The following INHBA variants were observed in gnomAD, a reference collection of about 807,000 sequenced individuals.
INHBA encodes inhibin subunit beta A.
Under a neutral mutation model 29.0 loss-of-function variants are expected in INHBA, and 1 was observed. That is an observed-to-expected ratio of 0.03 (90% CI 0.01 to 0.16). The LOEUF (loss-of-function observed/expected upper bound fraction) is 0.16, where lower values mean the gene tolerates loss of function less well. Among genes scored for constraint, INHBA ranks in the 10% least tolerant of loss-of-function variants. INHBA has a pLI of 1.00. For synonymous variants in INHBA, 242 were observed against 216.8 expected, an observed-to-expected ratio of 1.12 and a Z score of -1.02; for missense variants, 376 against 545.4, an observed-to-expected ratio of 0.69 and a Z score of 3.09.
chr7:41,696,161 C>T (rs950628684), intron 2 of INHBA, among the ~76,000 whole-genome samples: 23 of 152,184 alleles, frequency 1.5e-4, no homozygotes, highest in African/African-American at 5.3e-4. Flanking sequence ...TGTTTGAAGT[C>T]ACTTGTCATT....
chr7:41,699,586 C>T (rs928964156), intron 2 of INHBA, among the ~76,000 whole-genome samples: 2 of 152,102 alleles, frequency 1.3e-5, no homozygotes, highest in Admixed American at 1.3e-4. Context: ...TGGATGGGGT[C>T]CGGAAGCCTC....
At chr7:41,704,442 C>G (rs1794865141), upstream of INHBA, among the ~76,000 whole-genome samples, 1 of 152,098 alleles carries the variant, frequency 6.6e-6, no homozygotes, top group Non-Finnish European at 1.5e-5. Context: ...CCAAACCTGC[C>G]CCTCAGCTTA....
At chr7:41,696,278 T>C (rs571424246) in intron 2 of INHBA, among the ~76,000 whole-genome samples, 18 of 152,306 alleles carry the variant, frequency 1.2e-4, no homozygotes, top group African/African-American at 4.1e-4. Flanking sequence ...GGGAGAGACT[T>C]GTGAGCAAAT....
intron 2 of INHBA, among the ~76,000 whole-genome samples, chr7:41,694,595 G>A (rs1341021364): frequency 2.0e-5 from 3 of 152,186 alleles, no homozygotes; most frequent in Non-Finnish European, 2.9e-5. Flanking sequence ...GATATAGCTG[G>A]TTGCTTTGCG....
upstream of INHBA, chr7:41,703,240 A>G (rs960494194): frequency 2.0e-5 from 3 of 152,210 alleles, no homozygotes; most frequent in African/African-American, 7.2e-5. Context: ...ATAATTCATT[A>G]TCTAATGGAA....
intron 1 of INHBA, among the ~76,000 whole-genome samples, chr7:41,700,935 G>A (rs1794777731): frequency 1.3e-5 from 2 of 150,828 alleles, no homozygotes; most frequent in Non-Finnish European, 3.0e-5. Flanking sequence ...GCTGTGAGTA[G>A]GGCTGTGATT....
At chr7:41,703,740 C>T (rs1482480437), upstream of INHBA, among the ~76,000 whole-genome samples, 1 of 150,424 alleles carries the variant, frequency 6.6e-6, no homozygotes, top group Non-Finnish European at 1.5e-5. Context: ...CTTCCCAGGT[C>T]TTTAGAATCT....
intron 2 of INHBA, among the ~76,000 whole-genome samples, chr7:41,695,436 C>T (rs2237432): frequency 0.75 from 114,742 of 152,098 alleles, 43,731 homozygotes; most frequent in African/African-American, 0.81. Context: ...TCTCTGAAGC[C>T]CTAACTTTGC....
At chr7:41,699,813 C>A (rs1471025866) in intron 2 of INHBA, among the ~76,000 whole-genome samples, 174 bp downstream of exon 2, 3 of 152,218 alleles carry the variant, frequency 2.0e-5, no homozygotes, top group South Asian at 2.1e-4. Context: ...GTCCTCTCCC[C>A]CTCCCCTGCC....
At position 41,687,125 on chromosome 7, in the gene INHBA, G is replaced by A. The variant is rs1583588925; in HGVS notation, c.*2525C>T. The A allele has an allele frequency of 6.6e-6, 1 of 152,134 alleles. No individual in the cohort carries two copies. Among genetic ancestry groups the A allele is most frequent in the Non-Finnish European group, 1.5e-5 (1 of 68,018 alleles). The allele number at this position is 152,134 out of a possible 1,614,324, so 9.4% of individuals were successfully genotyped here. ...GTATTGTATTTTCTGCATAAGAAAGGGCTGCCTCTAGAACACAGTAAGTGT... is the reference window on the plus strand; with the variant it reads ...GTATTGTATTTTCTGCATAAGAAAGAGCTGCCTCTAGAACACAGTAAGTGT... On this transcript the variant is annotated 3_prime_UTR_variant, in exon 3 of 3. Coordinates refer to ENST00000242208, the MANE Select transcript of INHBA (RefSeq NM_002192.4).
At chr7:41,698,087 A>T (rs778522670) in intron 2 of INHBA, among the ~76,000 whole-genome samples, 3 of 152,180 alleles carry the variant, frequency 2.0e-5, no homozygotes, top group African/African-American at 4.8e-5. Flanking sequence ...CAAACTAAAC[A>T]CCTAACTGAG....
rs928500774 is a variant in INHBA, at chr7:41,700,432, C to G, written c.-58G>C. On this transcript the variant is annotated 5_prime_UTR_variant, in exon 2 of 3. Transcript: ENST00000242208. ...TAAAAGGCCCTGCTTTTCCTCCCCC[C>G]TCACGCGCAGGTTTTTTTGTGTGTG... The G allele has an allele frequency of 4.4e-6, 6 of 1,352,082 alleles. No individual in the cohort carries two copies. Among genetic ancestry groups the G allele is most frequent in the Admixed American group, 5.3e-5 (2 of 38,042 alleles). The allele number at this position is 1,352,082 out of a possible 1,614,324, so 83.8% of individuals were successfully genotyped here.
intron 2 of INHBA, among the ~76,000 whole-genome samples, chr7:41,694,906 CTG>C (rs1794609574): frequency 6.6e-6 from 1 of 152,166 alleles, no homozygotes; most frequent in African/African-American, 2.4e-5. Flanking sequence ...AGAGGAGAGA[CTG>C]TGTAAGCTGG....
intron 2 of INHBA, chr7:41,694,128 C>A (rs902458043): frequency 3.3e-5 from 5 of 152,184 alleles, no homozygotes; most frequent in Admixed American, 3.3e-4. Flanking sequence ...ACTTATTAAG[C>A]AGTGCATATT....
chr7:41,696,664 C>CCCCTAAAGGCAT, intron 2 of INHBA, among the ~76,000 whole-genome samples: 1 of 152,180 alleles, frequency 6.6e-6, no homozygotes, highest in South Asian at 2.1e-4. Context: ...GAGCGTGTAA[C>CCCCTAAAGGCAT]CCCTAAAGGC....
In INHBA at chr7:41,693,608, A is replaced by AT. The variant is rs1445708968; in HGVS notation, c.389-3067dup. ...AGGCAGCTGTACTTGGAAGCAAATG[A>AT]TTTAGTGTTCCTGAGAGAGGATTGT... On this transcript the variant is annotated intron_variant, in intron 2 of 2. Transcript: ENST00000242208. Among the ~76,000 whole-genome samples the AT allele has an allele frequency of 2.6e-5, 4 of 152,266 alleles. No individual in the cohort carries two copies. In the East Asian group the frequency reaches 7.7e-4, roughly 29 times the overall value.
upstream of INHBA, among the ~76,000 whole-genome samples, chr7:41,703,897 G>C (rs1000456034): frequency 1.3e-5 from 2 of 152,044 alleles, no homozygotes; most frequent in Non-Finnish European, 2.9e-5. Flanking sequence ...TTAATGAAAA[G>C]AAGTGAACAC....
At position 41,690,318 on chromosome 7, in the gene INHBA, A is replaced by G. The variant is rs1201187683; in HGVS notation, c.613T>C (p.Leu205=). 1 of 1,613,888 alleles carries G rather than the reference A, an allele frequency of 6.2e-7. No homozygotes were observed. Among genetic ancestry groups the G allele is most frequent in the Non-Finnish European group, 8.5e-7 (1 of 1,180,008 alleles). ...VGLKGERSEL[L]LSEKVVDARK... ...GCGTCTACTACTTTTTCAGAGAGCA[A>G]CAGTTCACTCCTCTCCCCCTTTAAG... Residue 205 remains leucine (L), a synonymous_variant, in exon 3 of 3, where the codon TTG becomes CTG. Transcript: ENST00000242208.
intron 2 of INHBA, among the ~76,000 whole-genome samples, chr7:41,696,595 A>T (rs996727200): frequency 6.6e-6 from 1 of 152,046 alleles, no homozygotes; most frequent in Non-Finnish European, 1.5e-5. Flanking sequence ...ACTGACAAGG[A>T]GCAAAAGTCT....
Sources: gnomAD v4.1 joint callset for allele counts (sites outside exome capture counted in the v4.1 genomes callset) on GRCh38, gnomAD v4.1.1 for gene constraint, MANE v1.5 for transcripts, NCBI Gene and HGNC (gene_info 2026-07-23, HGNC 2026-07-21) for gene names.